MCF2L: variants seen among roughly 807,000 people sequenced by gnomAD.
The protein encoded by MCF2L is MCF.2 cell line derived transforming sequence like, also known as guanine nucleotide exchange factor DBS.
MCF2L carries 97 observed loss-of-function variants against 153.4 expected under a neutral mutation model. The ratio of observed to expected loss-of-function variants is 0.63; its 90% CI spans 0.54 to 0.75. The LOEUF is 0.75. MCF2L is among the 30% of genes least tolerant of loss of function. The pLI, the probability that MCF2L is intolerant of heterozygous loss-of-function variation, is 0.00. For missense variants in MCF2L, 1,347 were observed against 1,495.2 expected (o/e 0.90, Z 1.64); for synonymous variants, 659 against 632.2 (o/e 1.04, Z -0.64).
In MCF2L at chr13:112,894,785, T is replaced by A. The variant is rs537579300; in HGVS notation, c.-5+354T>A. ...CCCCTGGACGGGCTTCTGCCGACGA[T>A]CCCTTGGGCACCTCGTAGGACCACC... On this transcript the variant is annotated intron_variant, in intron 1 of 29. Coordinates refer to the MCF2L transcript ENST00000375608. Among the ~76,000 whole-genome samples, 296 of 152,104 alleles carry A rather than the reference T, an allele frequency of 1.9e-3. 3 individuals are homozygous for A. The highest frequency in any genetic ancestry group is 6.7e-3 in the African/African-American group (277 of 41,520).
chr13:112,914,916 G>A (rs866530328), intron 2 of MCF2L, among the ~76,000 whole-genome samples: 3 of 151,704 alleles, frequency 2.0e-5, no homozygotes, highest in East Asian at 1.9e-4. Flanking sequence ...TTGAATCTCA[G>A]TATTTGGGGG....
At position 112,996,994 on chromosome 13, in the gene MCF2L, G is replaced by C. The variant is rs537912402; in HGVS notation, c.80-17769G>C. ...CTATCTCAGGTGTGGCCGGGCAGCT[G>C]TGGGAGCTGGGCCTAGGCGGGTGCT... On this transcript the variant is annotated intron_variant, in intron 1 of 29. Coordinates refer to ENST00000535094, the MANE Select transcript of MCF2L (RefSeq NM_001112732.3). Among the ~76,000 whole-genome samples, 6 of 152,376 alleles carry C rather than the reference G, an allele frequency of 3.9e-5. No individual in the cohort carries two copies. The East Asian group carries it at 1.2e-3, about 29-fold the overall frequency.
At chr13:113,086,014 G>A (rs1346346801) in intron 20 of MCF2L, 110 bp from the exon 21 acceptor site, 1 of 1,215,076 alleles carries the variant, frequency 8.2e-7, no homozygotes, top group African/African-American at 1.6e-5. Context: ...CCACAGACCA[G>A]GGGAGGGTGA....
At chr13:112,984,672 C>A (rs754405891) in intron 1 of MCF2L, among the ~76,000 whole-genome samples, 1 of 152,216 alleles carries the variant, frequency 6.6e-6, no homozygotes, top group Non-Finnish European at 1.5e-5. Context: ...CCCCTTTAAG[C>A]TTCCTAGTAG....
rs2035841065 is a variant in MCF2L, at chr13:113,099,621, G to A, written c.*2762G>A. On this transcript the variant is annotated 3_prime_UTR_variant, in exon 30 of 30. Transcript: ENST00000535094. ...GTCAATTAGGACAGTTGAGAAAAGA[G>A]AATAACAAAATCAAAAGCAAAACTC... 6.6e-6 allele frequency: 1 copy of A among 152,008 alleles called. No homozygotes were observed. The highest frequency in any genetic ancestry group is 1.5e-5 in the Non-Finnish European group (1 of 68,000). 9.4% of individuals were successfully genotyped at this position (152,008 alleles called of 1,614,324 possible).
At chr13:113,080,542 A>G (rs1228340519) in intron 15 of MCF2L, among the ~76,000 whole-genome samples, 1 of 152,208 alleles carries the variant, frequency 6.6e-6, no homozygotes, top group Non-Finnish European at 1.5e-5. Context: ...GTTTCTGTGC[A>G]TCACATAAGC....
Position 113,064,425 on chromosome 13 carries a change from G to T in MCF2L, c.606+5G>T. 6.2e-7 allele frequency: 1 copy of T among 1,601,288 alleles called. No homozygotes were observed. Reference sequence around the variant, plus strand: ...CGGTGGCTGTGCCAGCGCACGGTGAGCCGCGTCGGGGCCAGCGGGGCTGGC... The same window carrying T: ...CGGTGGCTGTGCCAGCGCACGGTGATCCGCGTCGGGGCCAGCGGGGCTGGC... On this transcript the variant is annotated splice_donor_5th_base_variant and intron_variant, in intron 6 of 29. Coordinates refer to ENST00000535094, the MANE Select transcript of MCF2L (RefSeq NM_001112732.3). The surrounding 1 kb of genome is among the most constrained non-coding windows in gnomAD (Gnocchi z 6.0).
intron 1 of MCF2L, chr13:113,009,032 AGAG>A (rs2083906801): frequency 6.6e-6 from 1 of 152,296 alleles, no homozygotes; most frequent in South Asian, 2.1e-4. Flanking sequence ...GACGACCCCC[AGAG>A]GAGATTGGCC....
chr13:113,091,612 T>C (rs921078433), intron 26 of MCF2L, among the ~76,000 whole-genome samples: 1 of 150,366 alleles, frequency 6.7e-6, no homozygotes, highest in Non-Finnish European at 1.5e-5. Flanking sequence ...GCATAGCAAC[T>C]GGCAGGGCCG....
intron 2 of MCF2L, among the ~76,000 whole-genome samples, chr13:112,946,893 G>A (rs1011255781): frequency 6.6e-6 from 1 of 152,136 alleles, no homozygotes. Context: ...ACAACTCTGA[G>A]GGGGGGAGGA....
At chr13:113,037,099 C>G (rs1321304932) in intron 3 of MCF2L, among the ~76,000 whole-genome samples, 2 of 152,156 alleles carry the variant, frequency 1.3e-5, no homozygotes, top group Non-Finnish European at 2.9e-5. Context: ...GAGGTGCAAG[C>G]GTGTCATCCT....
intron 15 of MCF2L, 43 bp downstream of exon 15, chr13:113,078,782 G>A (rs573717842): frequency 1.8e-5 from 27 of 1,531,962 alleles, no homozygotes; most frequent in Admixed American, 9.4e-5. Context: ...CCCTCCGACC[G>A]CAGCCTGAAC....
rs530642729 is a variant in MCF2L, at chr13:113,096,925, C to G, written c.*66C>G. The G allele has an allele frequency of 2.7e-5, 31 of 1,154,192 alleles. No homozygotes were observed. The African/African-American group carries it at 4.4e-4, about 16-fold the overall frequency. 71.5% of individuals were successfully genotyped at this position (1,154,192 alleles called of 1,614,324 possible). A position where few individuals can be genotyped will look rare whatever the true frequency, so the allele number is the denominator to read the frequency against. On this transcript the variant is annotated 3_prime_UTR_variant, in exon 30 of 30. Transcript: ENST00000535094. ...GCGGTGGCGTGGGGAGGGCGCGGCC[C>G]CCGGACGCCCCGAGGAAGGGGCACC...
chr13:112,948,838 G>C (rs1192678552), intron 2 of MCF2L, among the ~76,000 whole-genome samples: 1 of 152,190 alleles, frequency 6.6e-6, no homozygotes, highest in Non-Finnish European at 1.5e-5. Context: ...GGCCAAGGTG[G>C]GTGGATCACC....
At chr13:112,899,061 C>T (rs1015032583) in intron 1 of MCF2L, among the ~76,000 whole-genome samples, 3 of 152,258 alleles carry the variant, frequency 2.0e-5, no homozygotes, top group African/African-American at 7.2e-5. Context: ...GATCCGAGCT[C>T]CTCGGGGACA....
At chr13:112,995,050 C>T (rs774830990) in intron 1 of MCF2L, among the ~76,000 whole-genome samples, 6 of 152,242 alleles carry the variant, frequency 3.9e-5, no homozygotes, top group Non-Finnish European at 8.8e-5. Flanking sequence ...TTTCTGCACA[C>T]GGTGTCGCAT....
chr13:112,902,575 C>T (rs2081130594), intron 2 of MCF2L, among the ~76,000 whole-genome samples: 1 of 152,172 alleles, frequency 6.6e-6, no homozygotes, highest in East Asian at 1.9e-4. Context: ...GTTGGGACGA[C>T]TTGCCTCAAG....
chr13:112,928,807 G>A (rs2081433378), intron 2 of MCF2L, among the ~76,000 whole-genome samples: 1 of 152,228 alleles, frequency 6.6e-6, no homozygotes, highest in Admixed American at 6.5e-5. Context: ...CAGGGGAGAG[G>A]GATGTGCGTG....
At chr13:112,930,035 G>A (rs772722024) in intron 2 of MCF2L, among the ~76,000 whole-genome samples, 61 of 152,268 alleles carry the variant, frequency 4.0e-4, no homozygotes, top group Non-Finnish European at 6.3e-4. Context: ...TTAGAGCATC[G>A]GCTTCCACAA....
Sources: gnomAD v4.1 joint callset for allele counts (sites outside exome capture counted in the v4.1 genomes callset) on GRCh38, gnomAD v4.1.1 for gene constraint, Gnocchi (gnomAD v3.1) non-coding constraint, MANE v1.5 for transcripts, NCBI Gene and HGNC (gene_info 2026-07-23, HGNC 2026-07-21) for gene names.